Variants in CYP4Z1 observed in about 807,000 individuals in gnomAD.
The protein encoded by CYP4Z1 is cytochrome P450 4Z1.
In CYP4Z1, 41 loss-of-function variants were observed where a neutral mutation model predicts 54.2. That is an observed-to-expected ratio of 0.76 (90% CI 0.59 to 0.98). The LOEUF is 0.98. Among genes scored for constraint, CYP4Z1 ranks in the 50% least tolerant of loss-of-function variants. CYP4Z1 has a pLI of 0.00. For synonymous variants in CYP4Z1, 163 were observed against 206.2 expected (o/e 0.79, Z 1.79); for missense variants, 513 against 599.0 (o/e 0.86, Z 1.50).
At chr1:47,110,457 T>C (rs1361327402) in intron 9 of CYP4Z1, among the ~76,000 whole-genome samples, 2 of 143,682 alleles carry the variant, frequency 1.4e-5, no homozygotes, top group Non-Finnish European at 3.0e-5. Context: ...CTCAGGAGGC[T>C]GAGGTGGGAG....
At chr1:47,091,627 T>G (rs558577965) in intron 6 of CYP4Z1, among the ~76,000 whole-genome samples, 1 of 149,814 alleles carries the variant, frequency 6.7e-6, no homozygotes, top group South Asian at 2.2e-4. Context: ...GACTACTGCT[T>G]ATCCTGCCTT....
intron 2 of CYP4Z1, among the ~76,000 whole-genome samples, chr1:47,078,263 A>C (rs1272160945): frequency 6.6e-6 from 1 of 152,108 alleles, no homozygotes; most frequent in East Asian, 1.9e-4. Flanking sequence ...AACAATCTCA[A>C]TTGACCTATC....
intron 6 of CYP4Z1, among the ~76,000 whole-genome samples, chr1:47,087,849 A>G (rs1248620585): frequency 6.6e-6 from 1 of 152,158 alleles, no homozygotes; most frequent in Non-Finnish European, 1.5e-5. Flanking sequence ...AATAGCTCTT[A>G]TTATTTTGAG....
chr1:47,055,571 C>T, the CYP4Z1 span, among the ~76,000 whole-genome samples: 22 of 152,252 alleles, frequency 1.4e-4, no homozygotes, highest in Non-Finnish European at 2.4e-4. Context: ...GGTTGGTAAG[C>T]TATTAATTAT....
chr1:47,087,821 A>G (rs982865339), intron 6 of CYP4Z1, among the ~76,000 whole-genome samples: 49 of 152,182 alleles, frequency 3.2e-4, no homozygotes, highest in African/African-American at 9.9e-4. Flanking sequence ...GTATGATATT[A>G]GCTGTGGGTT....
intron 4 of CYP4Z1, among the ~76,000 whole-genome samples, chr1:47,082,669 G>A (rs975052518): frequency 6.6e-6 from 1 of 151,864 alleles, no homozygotes; most frequent in Non-Finnish European, 1.5e-5. Context: ...CAGGGTAGGT[G>A]CTCAATGAGA....
rs370884613 is a variant in CYP4Z1 at position 47,106,000 on chromosome 1, A to G, written c.1068-128A>G. 5.8e-5 allele frequency: 67 copies of G among 1,151,288 alleles called. No homozygotes were observed. The East Asian group carries it at 9.5e-4, about 16-fold the overall frequency. The allele number at this position is 1,151,288 out of a possible 1,614,324, so 71.3% of individuals were successfully genotyped here. A position where few individuals can be genotyped will look rare whatever the true frequency, so the allele number is the denominator to read the frequency against. On this transcript the variant is annotated intron_variant, in intron 8 of 11. Transcript: ENST00000334194. Reference sequence around the variant, plus strand: ...GCTTTTCCTAAGACATACTTGATACATCTGAAGTCCTCCTTTGGGTAAAGA... The same window carrying G: ...GCTTTTCCTAAGACATACTTGATACGTCTGAAGTCCTCCTTTGGGTAAAGA...
chr1:47,058,994 G>T, the CYP4Z1 span, among the ~76,000 whole-genome samples: 1 of 151,842 alleles, frequency 6.6e-6, no homozygotes, highest in African/African-American at 2.4e-5. Flanking sequence ...GTATGTATTT[G>T]CCCAACTTAT....
the CYP4Z1 span, among the ~76,000 whole-genome samples, chr1:47,056,823 A>T: frequency 6.6e-6 from 1 of 152,102 alleles, no homozygotes; most frequent in African/African-American, 2.4e-5. Context: ...GTCTCTGCAC[A>T]TGAGATGGGA....
intron 6 of CYP4Z1, among the ~76,000 whole-genome samples, chr1:47,091,468 T>C (rs971912358): frequency 8.2e-5 from 12 of 146,716 alleles, no homozygotes; most frequent in Admixed American, 8.1e-4. Flanking sequence ...TCCTTTTAAA[T>C]GGCAGCATGA....
chr1:47,060,549 T>C, the CYP4Z1 span, among the ~76,000 whole-genome samples: 2 of 152,184 alleles, frequency 1.3e-5, no homozygotes, highest in Non-Finnish European at 2.9e-5. Context: ...GCACCTGGAT[T>C]CATAAAGCAA....
intron 6 of CYP4Z1, among the ~76,000 whole-genome samples, chr1:47,085,939 C>T (rs1231410306): frequency 1.6e-4 from 24 of 148,184 alleles, no homozygotes; most frequent in Non-Finnish European, 2.2e-4. Context: ...TGAGAACATG[C>T]GGTGTCTGGT....
Position 47,100,485 on chromosome 1 carries a change from G to T in CYP4Z1, c.1067+1201G>T, listed in dbSNP as rs147834820. Among the ~76,000 whole-genome samples, 41 of 152,302 alleles carry T rather than the reference G, an allele frequency of 2.7e-4. No individual in the cohort carries two copies. The East Asian group carries it at 7.1e-3, about 26-fold the overall frequency. ...CATCTCCCTCTGTCCCATCCAGGAT[G>T]TGAAGCATTTCTTTGTCCAGCATAT... On this transcript the variant is annotated intron_variant, in intron 8 of 11. Coordinates refer to ENST00000334194, the MANE Select transcript of CYP4Z1 (RefSeq NM_178134.3).
chr1:47,087,758 T>A (rs1252268885), intron 6 of CYP4Z1, among the ~76,000 whole-genome samples: 6 of 152,240 alleles, frequency 3.9e-5, no homozygotes, highest in Non-Finnish European at 8.8e-5. Flanking sequence ...AGAGAGGGCA[T>A]CCCTGTCTTG....
At chr1:47,060,629 C>T in the CYP4Z1 span, among the ~76,000 whole-genome samples, 3,199 of 152,250 alleles carry the variant, frequency 0.021, 51 homozygotes, top group Non-Finnish European at 0.033. Flanking sequence ...CCTCCACTGT[C>T]AGTATTAGAC....
chr1:47,102,440 C>T (rs532384125), intron 8 of CYP4Z1, among the ~76,000 whole-genome samples: 4 of 152,154 alleles, frequency 2.6e-5, no homozygotes, highest in African/African-American at 9.6e-5. Flanking sequence ...GTTTTTATAT[C>T]TTCAAGTATT....
At chr1:47,060,810 C>T in the CYP4Z1 span, among the ~76,000 whole-genome samples, 127 of 152,216 alleles carry the variant, frequency 8.3e-4, no homozygotes, top group Non-Finnish European at 1.5e-3. Flanking sequence ...GAACATAAAA[C>T]AATTCTCAGC....
At chr1:47,083,223 T>C (rs1245576582) in intron 4 of CYP4Z1, among the ~76,000 whole-genome samples, 3 of 151,988 alleles carry the variant, frequency 2.0e-5, no homozygotes, top group Non-Finnish European at 4.4e-5. Flanking sequence ...GAGACATGGG[T>C]TCCCCTAAAC....
rs60339798 is a variant in CYP4Z1, at chr1:47,077,779, C to G, written c.320-2844C>G. Among the ~76,000 whole-genome samples the G allele has an allele frequency of 6.3e-3, 954 of 151,848 alleles. 12 individuals are homozygous for G. The highest frequency in any genetic ancestry group is 0.021 in the African/African-American group (861 of 41,410). ...GGAACTACAGGCCTGCACCACTATGCCTGGCTAATTTTTTCTTTTGTATAG... is the reference window on the plus strand; with the variant it reads ...GGAACTACAGGCCTGCACCACTATGGCTGGCTAATTTTTTCTTTTGTATAG... On this transcript the variant is annotated intron_variant, in intron 2 of 11. Coordinates refer to ENST00000334194, the MANE Select transcript of CYP4Z1 (RefSeq NM_178134.3).
Sources: allele counts gnomAD v4.1 joint callset (sites outside exome capture counted in the v4.1 genomes callset), GRCh38; gene constraint gnomAD v4.1.1; transcripts MANE v1.5; gene names NCBI Gene and HGNC (gene_info 2026-07-23, HGNC 2026-07-21).